The following OGG1 variants were observed in gnomAD, a reference collection of about 807,000 sequenced individuals.
OGG1 encodes N-glycosylase/DNA lyase.
Under a neutral mutation model 42.3 loss-of-function variants are expected in OGG1, and 35 were observed. The observed-to-expected ratio is 0.83, with a 90% CI of 0.63 to 1.10. The LOEUF is 1.10. Among genes scored for constraint, OGG1 ranks in the 50% least tolerant of loss-of-function variants. The pLI is 0.00. For missense variants in OGG1, 484 were observed against 446.7 expected, an observed-to-expected ratio of 1.08 and a Z score of -0.75; for synonymous variants, 189 against 179.0, an observed-to-expected ratio of 1.06 and a Z score of -0.44.
chr3:9,754,972 G>C, intron 4 of OGG1, 87 bp downstream of exon 4: 3 of 1,205,418 alleles, frequency 2.5e-6, no homozygotes, highest in Non-Finnish European at 3.6e-6. Context: ...CTGGGTGGAG[G>C]CTTGGCTTCC....
rs540657709 is a variant in OGG1 at position 9,783,965 on chromosome 3, T to C, written c.382+2365T>C. The C allele has an allele frequency of 2.0e-6, 3 of 1,531,438 alleles. No homozygotes were observed. In the South Asian group the frequency reaches 3.7e-5, roughly 19 times the overall value. 94.9% of individuals were successfully genotyped at this position (1,531,438 alleles called of 1,614,324 possible). On this transcript the variant is annotated intron_variant, in intron 3 of 3. Transcript: ENST00000426518. ...AGCCTGTTGTAAAACCCCTGAAAGG[T>C]GACTAGCCGTGGCCACAGCCTCCAA...
chr3:9,756,868 C>T, intron 6 of OGG1, 52 bp downstream of exon 6: 1 of 1,612,672 alleles, frequency 6.2e-7, no homozygotes, highest in South Asian at 1.1e-5. Flanking sequence ...AGCCCAGACC[C>T]AGTGGACTCT....
downstream of OGG1, among the ~76,000 whole-genome samples, chr3:9,769,196 TA>T (rs991691458): frequency 1.3e-5 from 2 of 150,912 alleles, no homozygotes; most frequent in East Asian, 2.0e-4. Context: ...AGCTCCCTCT[TA>T]CACCCCAAAA....
rs759519669 is a variant in OGG1 at position 9,763,253 on chromosome 3, T to C, written c.1049-2556T>C. The C allele has an allele frequency of 2.5e-6, 4 of 1,612,576 alleles. No individual in the cohort carries two copies. The South Asian group carries it at 4.4e-5, about 18-fold the overall frequency. ...GAGGTGGTTTAGCCAGGCATGGCGGTGTGCACCTGTAGTCCAAGCTACTTG... is the reference window on the plus strand; with the variant it reads ...GAGGTGGTTTAGCCAGGCATGGCGGCGTGCACCTGTAGTCCAAGCTACTTG... On this transcript the variant is annotated intron_variant, in intron 7 of 7. Coordinates refer to the OGG1 transcript ENST00000302008.
intron 3 of OGG1, among the ~76,000 whole-genome samples, chr3:9,785,937 G>GT (rs1360184279): frequency 3.4e-5 from 5 of 144,942 alleles, no homozygotes; most frequent in Non-Finnish European, 6.1e-5. Context: ...TCCTTGTTTT[G>GT]TTTTGTTTTT....
intron 2 of OGG1, among the ~76,000 whole-genome samples, chr3:9,776,582 G>A (rs1231764520): frequency 6.6e-6 from 1 of 151,848 alleles, no homozygotes; most frequent in Non-Finnish European, 1.5e-5. Flanking sequence ...GTAGCGAAGG[G>A]GTTTCACCAT....
At chr3:9,778,191 C>A (rs13096551) in intron 2 of OGG1, among the ~76,000 whole-genome samples, 98,978 of 152,038 alleles carry the variant, frequency 0.65, 32,837 homozygotes, top group Middle Eastern at 0.82. Flanking sequence ...TTTACTGAGC[C>A]CTTCATTGCA....
At chr3:9,781,723 G>A in intron 3 of OGG1, 1 of 412,090 alleles carries the variant, frequency 2.4e-6, no homozygotes, top group South Asian at 1.7e-5. Context: ...AGGGGAAGGA[G>A]ATGCTCAGGT....
downstream of OGG1, chr3:9,769,921 CCA>C (rs1328068862): frequency 3.9e-5 from 6 of 152,372 alleles, no homozygotes; most frequent in Non-Finnish European, 7.3e-5. Flanking sequence ...CGTGCCTGGG[CCA>C]CCCGCCCGCG....
chr3:9,786,782 C>T (rs2078624206), intron 3 of OGG1, among the ~76,000 whole-genome samples: 1 of 152,182 alleles, frequency 6.6e-6, no homozygotes, highest in Non-Finnish European at 1.5e-5. Flanking sequence ...AATACAAGCT[C>T]ATTTGTGAAA....
downstream of OGG1, chr3:9,767,838 T>A: frequency 6.4e-7 from 1 of 1,566,624 alleles, no homozygotes; most frequent in Non-Finnish European, 8.7e-7. Flanking sequence ...GTCTGGGAAT[T>A]TACTGCAGGC....
chr3:9,760,576 C>T (rs1384615600), downstream of OGG1: 4 of 1,431,032 alleles, frequency 2.8e-6, no homozygotes, highest in Non-Finnish European at 3.9e-6. Context: ...AGAAGGAAGG[C>T]AGGAGGGAGA....
downstream of OGG1, among the ~76,000 whole-genome samples, chr3:9,768,985 A>T (rs759305659): frequency 2.6e-5 from 4 of 152,028 alleles, no homozygotes; most frequent in Non-Finnish European, 5.9e-5. Flanking sequence ...ACATCCCTGT[A>T]GCAGACATGC....
chr3:9,786,994 T>C, intron 3 of OGG1: 3 of 1,611,384 alleles, frequency 1.9e-6, no homozygotes, highest in Non-Finnish European at 1.7e-6. Context: ...TCTTTTGGGT[T>C]AGGCTGCTCA....
At chr3:9,761,508 G>A (rs1191804647), downstream of OGG1, 1 of 1,613,634 alleles carries the variant, frequency 6.2e-7, no homozygotes, top group South Asian at 1.1e-5. Context: ...CAGCCTTGCT[G>A]TAGGGCTTCT....
At chr3:9,761,103 C>A, downstream of OGG1, 1 of 349,250 alleles carries the variant, frequency 2.9e-6, no homozygotes, top group Non-Finnish European at 5.3e-6. Flanking sequence ...AATGGCATCA[C>A]CCCGTCTCCC....
intron 3 of OGG1, chr3:9,787,023 G>A: frequency 1.2e-6 from 2 of 1,614,212 alleles, no homozygotes; most frequent in Non-Finnish European, 1.7e-6. Flanking sequence ...AGGGCCTGCA[G>A]GAGGCGCTGC....
At chr3:9,750,883 G>C (rs983955012) in intron 1 of OGG1, 62 bp from the exon 2 acceptor site, 17 of 1,604,750 alleles carry the variant, frequency 1.1e-5, no homozygotes, top group Non-Finnish European at 1.4e-5. Context: ...AGGATAGGAG[G>C]GACCCCAAAG....
downstream of OGG1, chr3:9,767,722 A>C: frequency 6.2e-7 from 1 of 1,613,992 alleles, no homozygotes; most frequent in Non-Finnish European, 8.5e-7. Context: ...GCCTGCTTCC[A>C]CCTGGGGCCT....
Sources: gnomAD v4.1 joint callset for allele counts (sites outside exome capture counted in the v4.1 genomes callset) on GRCh38, gnomAD v4.1.1 for gene constraint, MANE v1.5 for transcripts, NCBI Gene and HGNC (gene_info 2026-07-23, HGNC 2026-07-21) for gene names.